DLG2: variants seen among roughly 807,000 people sequenced by gnomAD.
DLG2 encodes discs large MAGUK scaffold protein 2.
DLG2 carries 45 observed loss-of-function variants against 132.5 expected under a neutral mutation model. That is an observed-to-expected ratio of 0.34 (90% CI 0.27 to 0.44). The LOEUF is 0.44. Among genes scored for constraint, DLG2 ranks in the 20% least tolerant of loss-of-function variants. DLG2 has a pLI of 1.00. For synonymous variants in DLG2, 424 were observed against 419.6 expected, an observed-to-expected ratio of 1.01 and a Z score of -0.13; for missense variants, 1,045 against 1,196.9, an observed-to-expected ratio of 0.87 and a Z score of 1.87.
intron 21 of DLG2, among the ~76,000 whole-genome samples, chr11:83,510,721 C>T (rs2139844792): frequency 6.6e-6 from 1 of 151,108 alleles, no homozygotes; most frequent in Non-Finnish European, 1.5e-5. Flanking sequence ...CTTTCAGATG[C>T]TAAATGCAAG....
intron 3 of DLG2, among the ~76,000 whole-genome samples, chr11:85,293,305 G>A (rs2079025678): frequency 6.6e-6 from 1 of 152,150 alleles, no homozygotes; most frequent in Non-Finnish European, 1.5e-5. Context: ...GCTTACGCCT[G>A]TAATCTCTTT....
intron 19 of DLG2, among the ~76,000 whole-genome samples, chr11:83,586,884 T>C (rs975670552): frequency 3.3e-5 from 5 of 152,186 alleles, no homozygotes; most frequent in Admixed American, 6.5e-5. Flanking sequence ...GGTATTGTTA[T>C]CATGAATTCA....
At chr11:85,238,994 T>C (rs1383223600) in intron 4 of DLG2, among the ~76,000 whole-genome samples, 2 of 152,072 alleles carry the variant, frequency 1.3e-5, no homozygotes, top group East Asian at 1.9e-4. Context: ...ACTTCCAGCA[T>C]CATTAGTGGC....
intron 10 of DLG2, among the ~76,000 whole-genome samples, chr11:84,077,593 C>T (rs1409501042): frequency 1.3e-5 from 2 of 152,160 alleles, no homozygotes; most frequent in African/African-American, 4.8e-5. Flanking sequence ...TTTAGGCTGA[C>T]AATTGTTATA....
chr11:84,469,771 C>A (rs2099103942), intron 7 of DLG2, among the ~76,000 whole-genome samples: 1 of 150,880 alleles, frequency 6.6e-6, no homozygotes, highest in African/African-American at 2.4e-5. Flanking sequence ...GGGTAGAACT[C>A]TATGGAAAGA....
intron 3 of DLG2, among the ~76,000 whole-genome samples, chr11:85,446,611 A>T (rs2092021965): frequency 6.6e-6 from 1 of 152,298 alleles, no homozygotes; most frequent in African/African-American, 2.4e-5. Flanking sequence ...TTAAGATAAA[A>T]TACTATTTTT....
intron 9 of DLG2, among the ~76,000 whole-genome samples, chr11:84,139,118 A>T (rs528155360): frequency 6.6e-6 from 1 of 152,212 alleles, no homozygotes; most frequent in African/African-American, 2.4e-5. Context: ...TTGACATTTT[A>T]TGATAGCTTG....
chr11:83,869,699 GGTTA>G (rs1460437155), intron 16 of DLG2, among the ~76,000 whole-genome samples: 1 of 152,078 alleles, frequency 6.6e-6, no homozygotes, highest in African/African-American at 2.4e-5. Context: ...TTTTTGGTGG[GGTTA>G]GTTAGACAAA....
chr11:85,041,012 T>G (rs1453731026), intron 6 of DLG2, among the ~76,000 whole-genome samples: 1 of 151,846 alleles, frequency 6.6e-6, no homozygotes, highest in African/African-American at 2.4e-5. Context: ...CCTCTCAACT[T>G]CATGACATAC....
intron 6 of DLG2, among the ~76,000 whole-genome samples, chr11:84,943,191 T>A (rs1440833815): frequency 6.6e-6 from 1 of 151,742 alleles, no homozygotes; most frequent in Non-Finnish European, 1.5e-5. Context: ...TGTGTGTGTG[T>A]GTGTGTGTGT....
At chr11:85,429,421 G>GT (rs1015650966) in intron 3 of DLG2, among the ~76,000 whole-genome samples, 3 of 151,932 alleles carry the variant, frequency 2.0e-5, no homozygotes, top group Non-Finnish European at 2.9e-5. Context: ...GAGTGAACAG[G>GT]AACCTACAGA....
intron 18 of DLG2, among the ~76,000 whole-genome samples, chr11:83,747,287 C>T (rs1209341250): frequency 1.5e-5 from 2 of 135,484 alleles, no homozygotes; most frequent in Non-Finnish European, 3.2e-5. Flanking sequence ...TTCCTTCCTT[C>T]CTTCCTTCCT....
intron 6 of DLG2, among the ~76,000 whole-genome samples, chr11:84,549,279 A>G (rs982068662): frequency 6.6e-6 from 1 of 152,230 alleles, no homozygotes; most frequent in African/African-American, 2.4e-5. Flanking sequence ...CATTTGAAGC[A>G]AAACTTCAAA....
At chr11:84,476,527 A>AG in intron 7 of DLG2, among the ~76,000 whole-genome samples, 1 of 152,200 alleles carries the variant, frequency 6.6e-6, no homozygotes, top group Non-Finnish European at 1.5e-5. Context: ...AACCAATCAA[A>AG]CACCAATAAC....
At chr11:83,801,868 A>G (rs943013444) in intron 17 of DLG2, among the ~76,000 whole-genome samples, 2 of 152,170 alleles carry the variant, frequency 1.3e-5, no homozygotes, top group African/African-American at 4.8e-5. Context: ...ATATTCCTTA[A>G]ACTAATGAAT....
intron 7 of DLG2, among the ~76,000 whole-genome samples, chr11:84,364,134 A>G (rs1231607590): frequency 1.3e-5 from 2 of 151,950 alleles, no homozygotes; most frequent in East Asian, 3.9e-4. Flanking sequence ...GATTCTTCCT[A>G]CCCATGAGCA....
At chr11:83,540,135 C>A (rs1180544006) in intron 20 of DLG2, among the ~76,000 whole-genome samples, 2 of 152,164 alleles carry the variant, frequency 1.3e-5, no homozygotes, top group South Asian at 4.1e-4. Flanking sequence ...ATCTTTGGGG[C>A]CATAATTCAA....
chr11:84,052,995 C>T (rs757577070), intron 11 of DLG2, among the ~76,000 whole-genome samples: 1 of 151,926 alleles, frequency 6.6e-6, no homozygotes, highest in African/African-American at 2.4e-5. Flanking sequence ...TTCACAATAG[C>T]AAAGACATGG....
intron 17 of DLG2, among the ~76,000 whole-genome samples, chr11:83,820,867 C>T (rs2153980731): frequency 6.6e-6 from 1 of 152,232 alleles, no homozygotes; most frequent in Middle Eastern, 3.4e-3. Flanking sequence ...TTCTCTCTTC[C>T]AACCAACCGA....
Sources: allele counts gnomAD v4.1 joint callset (sites outside exome capture counted in the v4.1 genomes callset), GRCh38; gene constraint gnomAD v4.1.1; transcripts MANE v1.5; gene names NCBI Gene and HGNC (gene_info 2026-07-23, HGNC 2026-07-21).